MAP7: variants seen among roughly 807,000 people sequenced by gnomAD.
MAP7 encodes ensconsin.
Under a neutral mutation model 94.8 loss-of-function variants are expected in MAP7, and 52 were observed. That is an observed-to-expected ratio of 0.55 (90% CI 0.44 to 0.69). The LOEUF (loss-of-function observed/expected upper bound fraction) is 0.69, where lower values mean the gene tolerates loss of function less well. Among genes scored for constraint, MAP7 ranks in the 30% least tolerant of loss-of-function variants. The pLI is 0.00. For missense variants in MAP7, 940 were observed against 964.6 expected (o/e 0.97, Z 0.34); for synonymous variants, 350 against 357.0 (o/e 0.98, Z 0.22).
chr6:136,465,132 G>A (rs961739685), intron 1 of MAP7, among the ~76,000 whole-genome samples: 1 of 152,110 alleles, frequency 6.6e-6, no homozygotes, highest in Non-Finnish European at 1.5e-5. Flanking sequence ...AGCTCCCCCT[G>A]CACCTCCACT....
chr6:136,511,980 G>C (rs1193815804), intron 1 of MAP7, among the ~76,000 whole-genome samples: 1 of 152,208 alleles, frequency 6.6e-6, no homozygotes, highest in Non-Finnish European at 1.5e-5. Flanking sequence ...ACTGCAGACT[G>C]TCCAAGCCAA....
chr6:136,377,088 G>A (rs937373611), intron 7 of MAP7, among the ~76,000 whole-genome samples: 1 of 152,084 alleles, frequency 6.6e-6, no homozygotes, highest in East Asian at 1.9e-4. Flanking sequence ...ACTAGATGTA[G>A]GCTCCACACT....
chr6:136,504,043 T>C lies in MAP7; in HGVS notation c.67+46299A>G, dbSNP rs1171753463. 2.0e-5 allele frequency among the ~76,000 whole-genome samples: 3 copies of C among 152,220 alleles called. 1 individual carries two copies. The highest frequency in any genetic ancestry group is 2.0e-4 in the Admixed American group (3 of 15,282). ...ACACTACAGAATTCTAGGCAGCACT[T>C]AAACTATATTTATCACTTGGGATGG... On this transcript the variant is annotated intron_variant, in intron 1 of 17. Coordinates refer to ENST00000354570, the MANE Select transcript of MAP7 (RefSeq NM_003980.6).
intron 16 of MAP7, among the ~76,000 whole-genome samples, chr6:136,346,569 C>A (rs1208460201): frequency 3.9e-5 from 6 of 151,970 alleles, no homozygotes; most frequent in Admixed American, 3.9e-4. Context: ...CTCTAAACAA[C>A]AACAAAAAAA....
At chr6:136,456,458 G>C (rs1802884444) in intron 1 of MAP7, among the ~76,000 whole-genome samples, 1 of 151,976 alleles carries the variant, frequency 6.6e-6, no homozygotes, top group Admixed American at 6.6e-5. Context: ...AATTGCTTGA[G>C]GCCAGTAGTT....
chr6:136,390,622 C>T (rs555772334), intron 3 of MAP7, among the ~76,000 whole-genome samples: 1 of 152,232 alleles, frequency 6.6e-6, no homozygotes, highest in South Asian at 2.1e-4. Context: ...CACTGCACTC[C>T]AGCCTTGGAC....
At chr6:136,459,817 A>T (rs935268828) in intron 1 of MAP7, among the ~76,000 whole-genome samples, 1 of 152,166 alleles carries the variant, frequency 6.6e-6, no homozygotes, top group African/African-American at 2.4e-5. Context: ...AGTTCTAGAG[A>T]TAGGATGTAC....
rs1808056480 is a variant in MAP7, at chr6:136,468,982, G to GT, written c.68-47184dup. 2.6e-5 allele frequency among the ~76,000 whole-genome samples: 4 copies of GT among 151,968 alleles called. 1 individual carries two copies. The East Asian group carries it at 7.8e-4, about 29-fold the overall frequency. On this transcript the variant is annotated intron_variant, in intron 1 of 17. Transcript: ENST00000354570. ...CACCACTCTTCCCTTAGCAAAAACA[G>GT]TTTTTTGTTGTTTTTTTTTTTAACT...
chr6:136,501,836 T>G (rs1819915705), intron 1 of MAP7, among the ~76,000 whole-genome samples: 2 of 152,164 alleles, frequency 1.3e-5, no homozygotes, highest in South Asian at 4.1e-4. Context: ...AAATTTTCTC[T>G]TCTCCTCTAC....
At chr6:136,483,814 GA>G (rs1469019827) in intron 1 of MAP7, among the ~76,000 whole-genome samples, 1 of 152,152 alleles carries the variant, frequency 6.6e-6, no homozygotes, top group African/African-American at 2.4e-5. Flanking sequence ...GAGGAAATAG[GA>G]AAATGGATTC....
At chr6:136,390,187 G>C (rs1179249125) in intron 3 of MAP7, among the ~76,000 whole-genome samples, 1 of 152,068 alleles carries the variant, frequency 6.6e-6, no homozygotes, top group African/African-American at 2.4e-5. Flanking sequence ...CTCATTTTAG[G>C]AAAAGATATG....
At chr6:136,397,577 G>C (rs892277013) in intron 3 of MAP7, among the ~76,000 whole-genome samples, 12 of 133,610 alleles carry the variant, frequency 9.0e-5, no homozygotes, top group African/African-American at 3.1e-4. Flanking sequence ...AGGACCTTTA[G>C]GAGGTAATTA....
At chr6:136,391,392 G>T (rs1325880152) in intron 3 of MAP7, among the ~76,000 whole-genome samples, 1 of 132,918 alleles carries the variant, frequency 7.5e-6, no homozygotes, top group Non-Finnish European at 1.6e-5. Flanking sequence ...CACACTCTGG[G>T]GACTGTGGTG....
At chr6:136,517,256 T>G (rs1176876738) in intron 1 of MAP7, among the ~76,000 whole-genome samples, 1 of 152,204 alleles carries the variant, frequency 6.6e-6, no homozygotes, top group Non-Finnish European at 1.5e-5. Flanking sequence ...CAGTCACATA[T>G]GCCTATGGTA....
chr6:136,496,553 C>T (rs1381171351), intron 1 of MAP7, among the ~76,000 whole-genome samples: 2 of 151,936 alleles, frequency 1.3e-5, no homozygotes, highest in African/African-American at 4.8e-5. Flanking sequence ...CTGGTAGTCC[C>T]CTACATGTGA....
intron 1 of MAP7, among the ~76,000 whole-genome samples, chr6:136,546,418 T>C (rs1474279178): frequency 1.3e-5 from 2 of 151,762 alleles, no homozygotes; most frequent in East Asian, 3.9e-4. Flanking sequence ...ACTCTCTCTG[T>C]CCATGAGTTC....
At chr6:136,546,236 C>T (rs1829730136) in intron 1 of MAP7, among the ~76,000 whole-genome samples, 1 of 152,012 alleles carries the variant, frequency 6.6e-6, no homozygotes, top group African/African-American at 2.4e-5. Context: ...TAGTCTCAAA[C>T]TCCTGGCCTC....
At chr6:136,434,222 G>A (rs574609425) in intron 1 of MAP7, among the ~76,000 whole-genome samples, 6 of 150,718 alleles carry the variant, frequency 4.0e-5, no homozygotes, top group South Asian at 4.2e-4. Flanking sequence ...CAGGAGAACC[G>A]CTTGAACCCG....
At chr6:136,344,571 T>C (rs191929556) in intron 17 of MAP7, among the ~76,000 whole-genome samples, 5 of 152,336 alleles carry the variant, frequency 3.3e-5, no homozygotes, top group Admixed American at 6.5e-5. Flanking sequence ...TCTAAACATA[T>C]GTTGGAGGTT....
Sources: gnomAD v4.1 joint callset for allele counts (sites outside exome capture counted in the v4.1 genomes callset) on GRCh38, gnomAD v4.1.1 for gene constraint, MANE v1.5 for transcripts, NCBI Gene and HGNC (gene_info 2026-07-23, HGNC 2026-07-21) for gene names.